The following LAMA2 variants were observed in gnomAD, a reference collection of about 807,000 sequenced individuals.
The protein encoded by LAMA2 is laminin subunit alpha 2, also known as laminin subunit alpha-2.
Under a neutral mutation model 364.8 loss-of-function variants are expected in LAMA2, and 269 were observed. The observed-to-expected ratio is 0.74, with a 90% CI of 0.67 to 0.82. The LOEUF (loss-of-function observed/expected upper bound fraction) is 0.82. LAMA2 is among the 40% of genes least tolerant of loss of function. The pLI, the probability that LAMA2 is intolerant of heterozygous loss-of-function variation, is 0.00. For synonymous variants in LAMA2, 1,379 were observed against 1,370.6 expected (o/e 1.01, Z -0.14); for missense variants, 3,807 against 3,873.2 (o/e 0.98, Z 0.45).
Position 129,232,091 on chromosome 6 carries a change from A to T in LAMA2, c.1783-18021A>T, listed in dbSNP as rs181691895. ...CTTTCAGCACAATAACCTGAAAAATATAGCTGTCTATTTAAAGAAGACATT... is the reference window on the plus strand; with the variant it reads ...CTTTCAGCACAATAACCTGAAAAATTTAGCTGTCTATTTAAAGAAGACATT... On this transcript the variant is annotated intron_variant, in intron 12 of 64. Coordinates refer to ENST00000421865, the MANE Select transcript of LAMA2 (RefSeq NM_000426.4). 2.8e-3 allele frequency among the ~76,000 whole-genome samples: 432 copies of T among 152,242 alleles called. 1 individual carries two copies. The highest frequency in any genetic ancestry group is 9.3e-3 in the African/African-American group (387 of 41,556).
At chr6:129,467,168 A>G (rs1273908837) in intron 51 of LAMA2, among the ~76,000 whole-genome samples, 1 of 151,920 alleles carries the variant, frequency 6.6e-6, no homozygotes, top group African/African-American at 2.4e-5. Flanking sequence ...AATACTATGC[A>G]GCCATAAAAA....
intron 22 of LAMA2, among the ~76,000 whole-genome samples, chr6:129,309,941 C>A (rs1014004786): frequency 2.0e-5 from 3 of 146,588 alleles, no homozygotes; most frequent in Non-Finnish European, 4.4e-5. Context: ...GCTCTGTCAC[C>A]CAGGCTGGAG....
chr6:129,077,379 A>G (rs756259783), intron 3 of LAMA2, among the ~76,000 whole-genome samples: 4 of 152,218 alleles, frequency 2.6e-5, no homozygotes, highest in Admixed American at 6.5e-5. Context: ...AGAAAATTAA[A>G]CTAGTGACAA....
intron 10 of LAMA2, among the ~76,000 whole-genome samples, chr6:129,184,332 G>T (rs940104612): frequency 1.3e-5 from 2 of 151,856 alleles, no homozygotes; most frequent in Non-Finnish European, 2.9e-5. Context: ...GGCATAAAAG[G>T]TTCATGCATG....
At chr6:129,407,688 C>T (rs1037500197) in intron 40 of LAMA2, among the ~76,000 whole-genome samples, 7 of 152,312 alleles carry the variant, frequency 4.6e-5, no homozygotes, top group East Asian at 1.9e-4. Context: ...AGCACCTCAG[C>T]GGGTCATGGC....
intron 1 of LAMA2, among the ~76,000 whole-genome samples, chr6:128,990,887 A>G (rs1478010762): frequency 6.6e-6 from 1 of 152,188 alleles, no homozygotes; most frequent in Non-Finnish European, 1.5e-5. Flanking sequence ...GGATATTTTA[A>G]TCAGCACATG....
Position 129,464,186 on chromosome 6 carries a change from C to T in LAMA2, c.6993-104C>T, listed in dbSNP as rs148139863. On this transcript the variant is annotated intron_variant, in intron 49 of 64. Coordinates refer to ENST00000421865, the MANE Select transcript of LAMA2 (RefSeq NM_000426.4). ...AATGAAGATGTATTTAGGGTATTTC[C>T]TGCCCTACAACAGCCTATAGTCTCA... 1.2e-5 allele frequency: 12 copies of T among 990,230 alleles called. No homozygotes were observed. The African/African-American group carries it at 1.9e-4, about 16-fold the overall frequency. 61.3% of individuals were successfully genotyped at this position (990,230 alleles called of 1,614,324 possible).
intron 12 of LAMA2, among the ~76,000 whole-genome samples, chr6:129,205,826 A>G (rs1583247771): frequency 6.6e-6 from 1 of 152,016 alleles, no homozygotes; most frequent in South Asian, 2.1e-4. Flanking sequence ...GGAGTTCAAG[A>G]CCAGCCTGGC....
intron 63 of LAMA2, among the ~76,000 whole-genome samples, chr6:129,512,987 AAATTTAT>A (rs150332606): frequency 1.3e-5 from 2 of 152,330 alleles, no homozygotes; most frequent in African/African-American, 4.8e-5. Flanking sequence ...AAAAAACAGC[AAATTTAT>A]AAAAGTAGTG....
rs140687513 is a variant in LAMA2 at position 129,246,438 on chromosome 6, A to G, written c.1783-3674A>G. Among the ~76,000 whole-genome samples, 10 of 152,164 alleles carry G rather than the reference A, an allele frequency of 6.6e-5. No individual in the cohort carries two copies. In the South Asian group the frequency reaches 1.0e-3, roughly 16 times the overall value. On this transcript the variant is annotated intron_variant, in intron 12 of 64. Transcript: ENST00000421865. ...ATTTAGTATTGCTGTGTGTCCTTCA[A>G]ATGTTTACAATATTCCACTGTGCCT...
In LAMA2 at chr6:129,320,535, T is replaced by C. The variant is rs1236854134; in HGVS notation, c.4059-3T>C. 6.4e-7 allele frequency: 1 copy of C among 1,560,774 alleles called. No homozygotes were observed. Among genetic ancestry groups the C allele is most frequent in the African/African-American group, 1.4e-5 (1 of 73,856 alleles). On this transcript the variant is annotated splice_polypyrimidine_tract_variant and splice_region_variant and intron_variant, in intron 27 of 64. Transcript: ENST00000421865. Reference sequence around the variant, plus strand: ...AATCTAAGTACATTCTCGCTGTTTCTAGGATTTCTGAAATCTCAATGGAGG... The same window carrying C: ...AATCTAAGTACATTCTCGCTGTTTCCAGGATTTCTGAAATCTCAATGGAGG...
At chr6:129,052,526 A>T (rs924060345) in intron 2 of LAMA2, among the ~76,000 whole-genome samples, 2 of 151,794 alleles carry the variant, frequency 1.3e-5, no homozygotes, top group Non-Finnish European at 2.9e-5. Context: ...AAGTACAGAA[A>T]TTCCCCATAT....
At chr6:129,043,420 A>C (rs1787241362) in intron 1 of LAMA2, among the ~76,000 whole-genome samples, 1 of 152,114 alleles carries the variant, frequency 6.6e-6, no homozygotes, top group South Asian at 2.1e-4. Context: ...TCTATTAATC[A>C]CATGTAGTGG....
intron 34 of LAMA2, among the ~76,000 whole-genome samples, chr6:129,373,423 C>CTTACA (rs1300315652): frequency 6.6e-6 from 1 of 152,160 alleles, no homozygotes; most frequent in Non-Finnish European, 1.5e-5. Flanking sequence ...TTGTTAACAT[C>CTTACA]TTACATTAGC....
At chr6:129,405,121 A>T (rs1326403410) in intron 40 of LAMA2, among the ~76,000 whole-genome samples, 1 of 152,044 alleles carries the variant, frequency 6.6e-6, no homozygotes, top group Non-Finnish European at 1.5e-5. Flanking sequence ...CTGTTAGATA[A>T]TTTTCTATTT....
chr6:129,139,438 T>A (rs1229050219), intron 4 of LAMA2, among the ~76,000 whole-genome samples: 1 of 152,134 alleles, frequency 6.6e-6, no homozygotes, highest in African/African-American at 2.4e-5. Flanking sequence ...ACTATTTACA[T>A]AGCCTTTACA....
intron 28 of LAMA2, among the ~76,000 whole-genome samples, chr6:129,327,238 C>G (rs1775356377): frequency 6.6e-6 from 1 of 152,082 alleles, no homozygotes; most frequent in South Asian, 2.1e-4. Flanking sequence ...AGGGTGCTAG[C>G]TATTAAGCTA....
chr6:129,260,617 C>G, intron 14 of LAMA2, 94 bp from the exon 15 acceptor site: 1 of 820,268 alleles, frequency 1.2e-6, no homozygotes, highest in South Asian at 1.3e-5. Context: ...GCATAATTGG[C>G]TTATATTTAT....
chr6:129,400,177 G>C (rs1012399697), intron 37 of LAMA2, among the ~76,000 whole-genome samples: 1 of 152,124 alleles, frequency 6.6e-6, no homozygotes, highest in Non-Finnish European at 1.5e-5. Context: ...GCTCCTTCAG[G>C]TCTTTTTTAT....
Sources: gnomAD v4.1 joint callset for allele counts (sites outside exome capture counted in the v4.1 genomes callset) on GRCh38, gnomAD v4.1.1 for gene constraint, MANE v1.5 for transcripts, NCBI Gene and HGNC (gene_info 2026-07-23, HGNC 2026-07-21) for gene names.